Variants in CNTN5 observed in about 807,000 individuals in gnomAD.
CNTN5 encodes contactin-5.
Under a neutral mutation model 129.1 loss-of-function variants are expected in CNTN5, and 77 were observed. The observed-to-expected ratio is 0.60, with a 90% confidence interval of 0.50 to 0.72. The LOEUF is 0.72. Among genes scored for constraint, CNTN5 ranks in the 30% least tolerant of loss-of-function variants. The probability of loss-of-function intolerance (pLI) is 0.00; values close to 1 mark genes in which losing one functional copy is unlikely to be tolerated. For synonymous variants in CNTN5, 509 were observed against 465.6 expected (o/e 1.09, Z -1.20); for missense variants, 1,478 against 1,328.8 (o/e 1.11, Z -1.75).
chr11:99,481,000 G>C (rs10893396), intron 2 of CNTN5, among the ~76,000 whole-genome samples: 30,565 of 151,890 alleles, frequency 0.2, 3,526 homozygotes, highest in East Asian at 0.51. Flanking sequence ...AGAAGAATGT[G>C]CACCTACTCT....
At chr11:99,267,512 T>G (rs2135844772) in intron 1 of CNTN5, among the ~76,000 whole-genome samples, 1 of 152,124 alleles carries the variant, frequency 6.6e-6, no homozygotes, top group East Asian at 1.9e-4. Flanking sequence ...GAAAGAAATT[T>G]AATTAAACCC....
intron 6 of CNTN5, among the ~76,000 whole-genome samples, chr11:99,905,083 G>A (rs149640070): frequency 2.4e-4 from 37 of 152,242 alleles, no homozygotes; most frequent in African/African-American, 8.2e-4. Flanking sequence ...ATCCCTTTCT[G>A]TAGGTTGTCT....
rs566736285 is a variant in CNTN5 at position 99,932,184 on chromosome 11, G to GTATTT, written c.673+16052_673+16056dup. Among the ~76,000 whole-genome samples the GTATTT allele has an allele frequency of 4.5e-3, 682 of 152,128 alleles. 6 individuals carry two copies. The highest frequency in any genetic ancestry group is 0.015 in the African/African-American group (630 of 41,510). On this transcript the variant is annotated intron_variant, in intron 7 of 24. Transcript: ENST00000524871. ...CCCTTATGCACTTTTGTTGAAACGT[G>GTATTT]TATTTTATTTTATTTTATTTTTTTG...
chr11:99,694,889 C>A (rs1380236639), intron 3 of CNTN5, among the ~76,000 whole-genome samples: 3 of 152,102 alleles, frequency 2.0e-5, no homozygotes, highest in Non-Finnish European at 4.4e-5. Context: ...TGGTAGATAT[C>A]AAAATTCCCC....
chr11:99,222,787 G>A (rs1860463647), intron 1 of CNTN5, among the ~76,000 whole-genome samples: 1 of 152,128 alleles, frequency 6.6e-6, no homozygotes, highest in Non-Finnish European at 1.5e-5. Flanking sequence ...ATTATTTAAA[G>A]TGTATTTCAA....
At chr11:100,336,266 G>A (rs1359180907) in intron 21 of CNTN5, among the ~76,000 whole-genome samples, 1 of 152,052 alleles carries the variant, frequency 6.6e-6, no homozygotes, top group Non-Finnish European at 1.5e-5. Context: ...GATTTCCATG[G>A]CAGCATTTTA....
At chr11:99,968,221 A>G (rs560150804) in intron 8 of CNTN5, among the ~76,000 whole-genome samples, 1 of 152,296 alleles carries the variant, frequency 6.6e-6, no homozygotes, top group Admixed American at 6.5e-5. Flanking sequence ...GTAACTTAAG[A>G]AAGTGAGTGG....
chr11:99,880,442 A>G (rs1328376991), intron 6 of CNTN5, among the ~76,000 whole-genome samples: 1 of 152,068 alleles, frequency 6.6e-6, no homozygotes, highest in Admixed American at 6.5e-5. Flanking sequence ...ATTTTTTTTC[A>G]CTCGTGGTTA....
chr11:99,237,613 G>C (rs1009443123), intron 1 of CNTN5, among the ~76,000 whole-genome samples: 11 of 152,036 alleles, frequency 7.2e-5, no homozygotes, highest in Non-Finnish European at 1.6e-4. Context: ...CCCGGGAGGC[G>C]GAGGTTGCAG....
chr11:100,188,581 A>C (rs1230284189), intron 13 of CNTN5, among the ~76,000 whole-genome samples: 1 of 152,198 alleles, frequency 6.6e-6, no homozygotes, highest in Non-Finnish European at 1.5e-5. Flanking sequence ...TTAACAAGAC[A>C]AAAACAACAG....
intron 3 of CNTN5, among the ~76,000 whole-genome samples, chr11:99,730,225 G>C (rs564256545): frequency 6.6e-6 from 1 of 152,250 alleles, no homozygotes; most frequent in African/African-American, 2.4e-5. Context: ...GAAGGAGGCA[G>C]AATTCTGCTG....
intron 1 of CNTN5, among the ~76,000 whole-genome samples, chr11:99,056,781 C>G (rs1864641604): frequency 6.6e-6 from 1 of 151,934 alleles, no homozygotes; most frequent in South Asian, 2.1e-4. Context: ...TAGTAATGCC[C>G]AGACACTGAA....
chr11:100,070,329 T>TA (rs1008258274), intron 10 of CNTN5, 95 bp from the exon 11 acceptor site: 24 of 1,326,858 alleles, frequency 1.8e-5, no homozygotes, highest in East Asian at 1.0e-4. Context: ...GAATTGCTTT[T>TA]AAAAAAATAC....
chr11:99,022,077 T>G (rs1862896610), intron 1 of CNTN5, among the ~76,000 whole-genome samples: 1 of 152,208 alleles, frequency 6.6e-6, no homozygotes, highest in Non-Finnish European at 1.5e-5. Context: ...TGTGGTAATT[T>G]AAATGCAGGT....
At chr11:99,435,038 T>G (rs1344848709) in intron 2 of CNTN5, among the ~76,000 whole-genome samples, 1 of 152,152 alleles carries the variant, frequency 6.6e-6, no homozygotes, top group Admixed American at 6.6e-5. Context: ...TGATGTGACT[T>G]AAGTCTAGAT....
intron 9 of CNTN5, among the ~76,000 whole-genome samples, chr11:100,025,157 G>A (rs549614512): frequency 6.6e-6 from 1 of 152,342 alleles, no homozygotes; most frequent in African/African-American, 2.4e-5. Flanking sequence ...GCTTTGTGCT[G>A]TCTTAGGACT....
chr11:99,382,025 T>C (rs1362495745), intron 2 of CNTN5, among the ~76,000 whole-genome samples: 1 of 152,026 alleles, frequency 6.6e-6, no homozygotes. Context: ...TGCAAGCTCT[T>C]GAAATTAGAA....
chr11:100,328,621 T>C (rs948785728), intron 21 of CNTN5, among the ~76,000 whole-genome samples: 4 of 152,064 alleles, frequency 2.6e-5, no homozygotes, highest in African/African-American at 9.7e-5. Context: ...CGAGAACTTA[T>C]TCACTATCAA....
At chr11:99,447,701 C>T (rs2135176666) in intron 2 of CNTN5, among the ~76,000 whole-genome samples, 1 of 152,152 alleles carries the variant, frequency 6.6e-6, no homozygotes, top group East Asian at 1.9e-4. Flanking sequence ...CCGAGGTGGG[C>T]AGATCACGAG....
Sources: gnomAD v4.1 joint callset for allele counts (sites outside exome capture counted in the v4.1 genomes callset) on GRCh38, gnomAD v4.1.1 for gene constraint, MANE v1.5 for transcripts, NCBI Gene and HGNC (gene_info 2026-07-23, HGNC 2026-07-21) for gene names.